Variants in GIN1 observed in about 807,000 individuals in gnomAD.
GIN1 encodes gypsy retrotransposon integrase-like protein 1.
GIN1 carries 41 observed loss-of-function variants against 51.4 expected under a neutral mutation model. The ratio of observed to expected loss-of-function variants is 0.80; its 90% CI spans 0.62 to 1.04. The LOEUF is 1.04. Among genes scored for constraint, GIN1 ranks in the 50% least tolerant of loss-of-function variants. The pLI is 0.00. For synonymous variants in GIN1, 222 were observed against 206.5 expected, an observed-to-expected ratio of 1.07 and a Z score of -0.64; for missense variants, 610 against 612.4, an observed-to-expected ratio of 1.00 and a Z score of 0.04.
In GIN1 at chr5:103,087,699, A is replaced by G. The variant is rs1243951625; in HGVS notation, c.*199T>C. Reference sequence around the variant, plus strand: ...AGAAAAAGTGAATTCTATATATTACATGCTTCCTTTGCCTTCATATGTACG... The same window carrying G: ...AGAAAAAGTGAATTCTATATATTACGTGCTTCCTTTGCCTTCATATGTACG... On this transcript the variant is annotated 3_prime_UTR_variant, in exon 8 of 8. Transcript: ENST00000399004. The G allele has an allele frequency of 1.1e-5, 4 of 364,030 alleles. No homozygotes were observed. Among genetic ancestry groups the G allele is most frequent in the Non-Finnish European group, 1.5e-5 (3 of 206,264 alleles). The allele number at this position is 364,030 out of a possible 1,614,324, so 22.5% of individuals were successfully genotyped here. A position where few individuals can be genotyped will look rare whatever the true frequency, so the allele number is the denominator to read the frequency against.
chr5:103,116,078 A>G (rs1554197355), intron 1 of GIN1, among the ~76,000 whole-genome samples: 1 of 152,112 alleles, frequency 6.6e-6, no homozygotes, highest in Admixed American at 6.5e-5. Flanking sequence ...TGATCTATAG[A>G]TTCAATGCAG....
In GIN1 at chr5:103,115,642, C is replaced by T. The variant is rs1310580243; in HGVS notation, c.-8+4422G>A. On this transcript the variant is annotated intron_variant, in intron 1 of 7. Transcript: ENST00000399004. ...AAAACAAATGTGAATGTACTTAAAG[C>T]CACTGAACTGCACACTTAAAAATGG... Among the ~76,000 whole-genome samples, 3 of 152,064 alleles carry T rather than the reference C, an allele frequency of 2.0e-5. No individual in the cohort carries two copies. The East Asian group carries it at 5.8e-4, about 29-fold the overall frequency.
Position 103,087,363 on chromosome 5 carries a change from C to G in GIN1, c.*535G>C, listed in dbSNP as rs1481296808. 1 of 152,182 alleles carries G rather than the reference C, an allele frequency of 6.6e-6. No homozygotes were observed. The highest frequency in any genetic ancestry group is 1.9e-4 in the East Asian group (1 of 5,210). The allele number at this position is 152,182 out of a possible 1,614,324, so 9.4% of individuals were successfully genotyped here. A position where few individuals can be genotyped will look rare whatever the true frequency, so the allele number is the denominator to read the frequency against. On this transcript the variant is annotated 3_prime_UTR_variant, in exon 8 of 8. Transcript: ENST00000399004. ...TTTCAGACCCTAATCCTGACCCTAT[C>G]TAACCAATTAGATAATTTGAAATTA... is the stretch of plus-strand genomic sequence containing the variant.
rs1787401355 is a variant in GIN1, at chr5:103,096,642, T to C, written c.1193A>G (p.Glu398Gly). The change falls in exon 7 of 8, where the codon GAA becomes GGA. Residue 398 changes from glutamate (E) to glycine (G), a missense_variant. Coordinates refer to ENST00000399004, the MANE Select transcript of GIN1 (RefSeq NM_017676.2). The stretch of plus-strand genomic sequence containing the variant: ...GTCTCTCAGGACAGCACATCCACTT[T>C]CTGTAATATAGTCTATGACACAAGG... ...VGPCVIDYITESGCAVLRDNT... is the reference protein window; with the variant it reads ...VGPCVIDYITGSGCAVLRDNT... 1 of 1,613,708 alleles carries C rather than the reference T, an allele frequency of 6.2e-7. No homozygotes were observed. Among genetic ancestry groups the C allele is most frequent in the African/African-American group, 1.3e-5 (1 of 74,902 alleles).
intron 7 of GIN1, among the ~76,000 whole-genome samples, chr5:103,092,183 AT>A (rs1411403847): frequency 6.6e-6 from 1 of 151,994 alleles, no homozygotes; most frequent in African/African-American, 2.4e-5. Flanking sequence ...TGCCCGGCTA[AT>A]TTTTGTAGGG....
At chr5:103,102,990 C>T (rs1181601530) in intron 4 of GIN1, among the ~76,000 whole-genome samples, 17 of 152,066 alleles carry the variant, frequency 1.1e-4, no homozygotes, top group Admixed American at 9.2e-4. Context: ...TTTGGATGGA[C>T]CTGTGAAGAA....
chr5:103,119,452 C>A (rs554979833), intron 1 of GIN1, among the ~76,000 whole-genome samples: 1 of 152,312 alleles, frequency 6.6e-6, no homozygotes, highest in South Asian at 2.1e-4. Flanking sequence ...TCGCCATATG[C>A]ATTCACATGA....
chr5:103,118,099 T>TTGTGAATGAATAAACAACTA (rs1320578671), intron 1 of GIN1, among the ~76,000 whole-genome samples: 1 of 152,172 alleles, frequency 6.6e-6, no homozygotes, highest in Non-Finnish European at 1.5e-5. Flanking sequence ...CACTCAACTA[T>TTGTGAATGAATAAACAACTA]TTGTGAATGA....
chr5:103,097,347 T>A lies in GIN1; in HGVS notation c.975A>T (p.Lys325Asn). 6.2e-7 allele frequency: 1 copy of A among 1,600,738 alleles called. No homozygotes were observed. Among genetic ancestry groups the A allele is most frequent in the Non-Finnish European group, 8.6e-7 (1 of 1,168,764 alleles). The stretch of plus-strand genomic sequence containing the variant: ...GTGAAGTTGTCTTATTCTCCATTAT[T>A]TTATCAGCTTCTTTAATTGCATCTA... ...KILDAIKEAD[K>N]IMENKTTSLG... is the part of the protein sequence containing the mutation. Residue 325 changes from lysine to asparagine, a missense_variant, in exon 6 of 8, where the codon AAA becomes AAT. Transcript: ENST00000399004.
intron 1 of GIN1, among the ~76,000 whole-genome samples, chr5:103,118,292 A>G (rs1788102118): frequency 6.6e-6 from 1 of 152,192 alleles, no homozygotes; most frequent in Non-Finnish European, 1.5e-5. Flanking sequence ...AGGACATAAT[A>G]TCTATCCCTT....
chr5:103,106,151 C>T (rs1787717937), intron 3 of GIN1, among the ~76,000 whole-genome samples: 2 of 152,190 alleles, frequency 1.3e-5, no homozygotes, highest in Non-Finnish European at 2.9e-5. Flanking sequence ...AGCAAGAACC[C>T]CAAAATTCCT....
At chr5:103,094,673 G>A (rs1028867501) in intron 7 of GIN1, among the ~76,000 whole-genome samples, 2 of 152,148 alleles carry the variant, frequency 1.3e-5, no homozygotes, top group Non-Finnish European at 2.9e-5. Context: ...TATTAAAGAA[G>A]CTTAACACTT....
intron 1 of GIN1, among the ~76,000 whole-genome samples, chr5:103,113,714 G>C (rs1364867971): frequency 6.6e-6 from 1 of 152,040 alleles, no homozygotes; most frequent in African/African-American, 2.4e-5. Flanking sequence ...TAGAGATGAG[G>C]TTTCACGATG....
intron 7 of GIN1, among the ~76,000 whole-genome samples, chr5:103,090,743 TAAAGCTCTTAGAAATTTTC>T (rs1787214366): frequency 6.6e-6 from 1 of 152,186 alleles, no homozygotes; most frequent in African/African-American, 2.4e-5. Context: ...TGCCTAGATG[TAAAGCTCTTAGAAATTTTC>T]ATTTTAATTT....
intron 4 of GIN1, among the ~76,000 whole-genome samples, chr5:103,098,756 G>A (rs1248268675): frequency 6.6e-6 from 1 of 152,102 alleles, no homozygotes; most frequent in Non-Finnish European, 1.5e-5. Context: ...ACTGTACCCG[G>A]CCCTCAAGTA....
At position 103,087,882 on chromosome 5, in the gene GIN1, TA is replaced by T; in HGVS notation, c.*15del. On this transcript the variant is annotated 3_prime_UTR_variant, in exon 8 of 8. Coordinates refer to ENST00000399004, the MANE Select transcript of GIN1 (RefSeq NM_017676.2). ...TTATATTCTAAACAAACAATTTAAA[TA>T]AATTTTGGTATTTACTAACTTAAGT... The T allele has an allele frequency of 9.0e-7, 1 of 1,110,756 alleles. No homozygotes were observed. The highest frequency in any genetic ancestry group is 1.3e-6 in the Non-Finnish European group (1 of 783,044). The allele number at this position is 1,110,756 out of a possible 1,614,324, so 68.8% of individuals were successfully genotyped here.
chr5:103,091,934 A>G (rs1787250957), intron 7 of GIN1, among the ~76,000 whole-genome samples: 1 of 151,890 alleles, frequency 6.6e-6, no homozygotes, highest in Non-Finnish European at 1.5e-5. Context: ...CCGAGGTAGG[A>G]GAATTGCTTG....
intron 3 of GIN1, among the ~76,000 whole-genome samples, 175 bp from the exon 4 acceptor site, chr5:103,105,021 T>C (rs975313449): frequency 2.0e-5 from 3 of 151,518 alleles, no homozygotes; most frequent in Non-Finnish European, 4.4e-5. Context: ...AACAAACAAA[T>C]AAAACAACAA....
chr5:103,096,690 C>T lies in GIN1; in HGVS notation c.1145G>A (p.Arg382His), dbSNP rs369908324. 1.1e-5 allele frequency: 18 copies of T among 1,613,942 alleles called. No homozygotes were observed. The highest frequency in any genetic ancestry group is 5.0e-5 in the Admixed American group (3 of 59,990). Reference protein sequence around the residue: ...RQRKNWWKDGRFQSEWVGPCV... With the variant: ...RQRKNWWKDGHFQSEWVGPCV... ...AGGACCAACCCATTCAGACTGAAAA[C>T]GACCATCCTTCCACCAATTTTTCCT... Residue 382 changes from arginine to histidine, a missense_variant, in exon 7 of 8, where the codon CGT (arginine) becomes CAT (histidine). Arg to His is a conservative substitution (Grantham distance 29). Transcript: ENST00000399004.
Sources: allele counts gnomAD v4.1 joint callset (sites outside exome capture counted in the v4.1 genomes callset), GRCh38; gene constraint gnomAD v4.1.1; transcripts MANE v1.5; gene names NCBI Gene and HGNC (gene_info 2026-07-23, HGNC 2026-07-21).